Variants in L3MBTL4 observed in about 807,000 individuals in gnomAD.
L3MBTL4 encodes the protein lethal(3)malignant brain tumor-like protein 4.
In L3MBTL4, 70 loss-of-function variants were observed where a neutral mutation model predicts 84.5. The observed-to-expected ratio is 0.83, with a 90% CI of 0.68 to 1.01. The LOEUF (loss-of-function observed/expected upper bound fraction) is 1.01. L3MBTL4 is among the 50% of genes least tolerant of loss of function. The pLI is 0.00. For missense variants in L3MBTL4, 715 were observed against 754.8 expected, an observed-to-expected ratio of 0.95 and a Z score of 0.62; for synonymous variants, 274 against 259.8, an observed-to-expected ratio of 1.05 and a Z score of -0.52.
intron 10 of L3MBTL4, among the ~76,000 whole-genome samples, chr18:6,226,013 A>G (rs2046768692): frequency 6.6e-6 from 1 of 152,202 alleles, no homozygotes; most frequent in African/African-American, 2.4e-5. Flanking sequence ...GGAACATAAC[A>G]CCAGATGGAA....
intron 1 of L3MBTL4, among the ~76,000 whole-genome samples, chr18:6,320,340 C>G (rs1252266655): frequency 6.6e-6 from 1 of 151,798 alleles, no homozygotes; most frequent in African/African-American, 2.4e-5. Context: ...TGGAAGAGAC[C>G]AAGTCAAAAT....
At chr18:6,390,702 C>T (rs1757443012) in intron 1 of L3MBTL4, among the ~76,000 whole-genome samples, 1 of 152,016 alleles carries the variant, frequency 6.6e-6, no homozygotes, top group South Asian at 2.1e-4. Flanking sequence ...ATGCACACCT[C>T]TATGCACACA....
intron 16 of L3MBTL4, chr18:6,031,338 A>G: frequency 1.0e-6 from 1 of 985,460 alleles, no homozygotes; most frequent in Non-Finnish European, 1.2e-6. Context: ...TGCAGAGAAG[A>G]TAAATGCCTT....
At chr18:6,355,843 A>AT (rs1196099866) in intron 1 of L3MBTL4, among the ~76,000 whole-genome samples, 2 of 66,100 alleles carry the variant, frequency 3.0e-5, no homozygotes, top group South Asian at 4.8e-4. Context: ...TCAAATTTAT[A>AT]AAAAAAAAAA....
chr18:5,960,202 T>A (rs2095256866), intron 17 of L3MBTL4, 46 bp from the exon 18 acceptor site: 2 of 1,221,810 alleles, frequency 1.6e-6, no homozygotes, highest in Non-Finnish European at 2.3e-6. Flanking sequence ...GCACCTGAAA[T>A]AATTTGGGGG....
chr18:6,308,541 T>C (rs2050692345), intron 3 of L3MBTL4, among the ~76,000 whole-genome samples: 1 of 152,152 alleles, frequency 6.6e-6, no homozygotes, highest in Non-Finnish European at 1.5e-5. Context: ...ATAATGTAAA[T>C]GTTCACAGTA....
At chr18:6,341,870 A>T (rs974510359) in intron 1 of L3MBTL4, among the ~76,000 whole-genome samples, 1 of 152,102 alleles carries the variant, frequency 6.6e-6, no homozygotes, top group Non-Finnish European at 1.5e-5. Flanking sequence ...ATGAAAAAAA[A>T]AGAAGTTTGA....
At chr18:6,340,309 C>CA (rs751925344) in intron 1 of L3MBTL4, among the ~76,000 whole-genome samples, 4 of 151,948 alleles carry the variant, frequency 2.6e-5, no homozygotes, top group Non-Finnish European at 5.9e-5. Context: ...GCTTGATAAG[C>CA]AAAAAAATCT....
At chr18:6,333,112 A>G (rs999438845) in intron 1 of L3MBTL4, among the ~76,000 whole-genome samples, 1 of 146,168 alleles carries the variant, frequency 6.8e-6, no homozygotes, top group African/African-American at 2.6e-5. Flanking sequence ...TAATTAGTTA[A>G]AATGTAAAAA....
intron 16 of L3MBTL4, among the ~76,000 whole-genome samples, chr18:6,072,891 T>A (rs1036149557): frequency 0.16 from 1,919 of 11,752 alleles, 238 homozygotes; most frequent in East Asian, 0.44. Flanking sequence ...AATATATATA[T>A]ATATATATAT....
intron 1 of L3MBTL4, among the ~76,000 whole-genome samples, chr18:6,347,305 G>C (rs2052957509): frequency 6.6e-6 from 1 of 151,820 alleles, no homozygotes. Context: ...TATGGTTAAA[G>C]TCTGTTAAGA....
At chr18:6,376,543 A>T (rs749388515) in intron 1 of L3MBTL4, among the ~76,000 whole-genome samples, 1 of 152,152 alleles carries the variant, frequency 6.6e-6, no homozygotes, top group Non-Finnish European at 1.5e-5. Flanking sequence ...GTTTCAGACC[A>T]GCCTGGGCTG....
chr18:6,327,771 T>C (rs2051805503), intron 1 of L3MBTL4, among the ~76,000 whole-genome samples: 1 of 152,234 alleles, frequency 6.6e-6, no homozygotes, highest in East Asian at 1.9e-4. Flanking sequence ...GTTCATTTTC[T>C]TATTCTCTAT....
At chr18:6,220,997 CT>C (rs2046527133) in intron 10 of L3MBTL4, among the ~76,000 whole-genome samples, 2 of 152,074 alleles carry the variant, frequency 1.3e-5, no homozygotes, top group Non-Finnish European at 2.9e-5. Flanking sequence ...TCTGTGGCAT[CT>C]ATACAATGCA....
chr18:6,343,420 C>G (rs910616342), intron 1 of L3MBTL4, among the ~76,000 whole-genome samples: 1 of 151,956 alleles, frequency 6.6e-6, no homozygotes, highest in African/African-American at 2.4e-5. Context: ...TCCCAGCACT[C>G]TGGGAGGCCG....
chr18:6,358,522 T>C (rs2053543562), intron 1 of L3MBTL4, among the ~76,000 whole-genome samples: 1 of 152,152 alleles, frequency 6.6e-6, no homozygotes, highest in South Asian at 2.1e-4. Context: ...GAACAGAGCA[T>C]TAAAGGAAGT....
intron 13 of L3MBTL4, among the ~76,000 whole-genome samples, chr18:6,157,523 A>C (rs1197265298): frequency 6.6e-6 from 1 of 152,082 alleles, no homozygotes; most frequent in African/African-American, 2.4e-5. Context: ...ATTTTATCTC[A>C]CTCATCAGGA....
intron 14 of L3MBTL4, among the ~76,000 whole-genome samples, chr18:6,133,240 G>A (rs2059926995): frequency 6.6e-6 from 1 of 152,038 alleles, no homozygotes; most frequent in Non-Finnish European, 1.5e-5. Flanking sequence ...CTAGTCACAA[G>A]GGCTGCTGAG....
intron 16 of L3MBTL4, chr18:6,029,828 G>A (rs929090899): frequency 3.7e-5 from 36 of 985,292 alleles, no homozygotes; most frequent in Non-Finnish European, 4.2e-5. Flanking sequence ...AAGGGTAGCT[G>A]AGGAAATGCC....
Sources: allele counts gnomAD v4.1 joint callset (sites outside exome capture counted in the v4.1 genomes callset), GRCh38; gene constraint gnomAD v4.1.1; transcripts MANE v1.5; gene names NCBI Gene and HGNC (gene_info 2026-07-23, HGNC 2026-07-21).